Variants in DPP10 observed in about 807,000 individuals in gnomAD.
DPP10 encodes dipeptidyl peptidase like 10.
DPP10 carries 33 observed loss-of-function variants against 120.9 expected under a neutral mutation model. The observed-to-expected ratio is 0.27, with a 90% confidence interval of 0.21 to 0.37. DPP10 has a LOEUF of 0.37. Ranked by LOEUF, DPP10 falls within the 10% of genes least tolerant of loss-of-function variation. The pLI, the probability that DPP10 is intolerant of heterozygous loss-of-function variation, is 1.00. For missense variants in DPP10, 816 were observed against 942.8 expected (o/e 0.87, Z 1.76); for synonymous variants, 337 against 326.1 (o/e 1.03, Z -0.36).
intron 1 of DPP10, among the ~76,000 whole-genome samples, chr2:114,745,707 G>C (rs1450892611): frequency 1.3e-5 from 2 of 152,166 alleles, no homozygotes; most frequent in African/African-American, 2.4e-5. Context: ...ACAAAGACAA[G>C]TGTCTACAGA....
chr2:115,330,380 A>T (rs1423268116), intron 2 of DPP10, among the ~76,000 whole-genome samples: 1 of 151,098 alleles, frequency 6.6e-6, no homozygotes, highest in East Asian at 1.9e-4. Context: ...CCCATTCTGT[A>T]GGTTGCCTGT....
chr2:115,150,967 CT>C (rs934937924), intron 1 of DPP10, among the ~76,000 whole-genome samples: 2 of 151,946 alleles, frequency 1.3e-5, no homozygotes, highest in Non-Finnish European at 2.9e-5. Context: ...AAATTACACA[CT>C]TTTTTTTATT....
chr2:115,719,860 AAC>A (rs913478912), intron 7 of DPP10, among the ~76,000 whole-genome samples: 1 of 152,194 alleles, frequency 6.6e-6, no homozygotes, highest in African/African-American at 2.4e-5. Context: ...GCAGAAACAA[AAC>A]ATCGTTCACA....
intron 17 of DPP10, among the ~76,000 whole-genome samples, chr2:115,783,924 T>C (rs1355733256): frequency 6.6e-6 from 1 of 152,144 alleles, no homozygotes; most frequent in Non-Finnish European, 1.5e-5. Flanking sequence ...TCATGACATA[T>C]AGGACACACT....
At chr2:114,450,250 T>C (rs1268063000) in intron 1 of DPP10, among the ~76,000 whole-genome samples, 3 of 152,158 alleles carry the variant, frequency 2.0e-5, no homozygotes, top group Admixed American at 2.0e-4. Context: ...TTAAATCTTA[T>C]GCAGAATTTT....
chr2:115,722,742 C>T (rs1466572665), intron 7 of DPP10, among the ~76,000 whole-genome samples: 3 of 152,120 alleles, frequency 2.0e-5, no homozygotes, highest in African/African-American at 7.2e-5. Flanking sequence ...CATTGTAATG[C>T]AGTGCATGGC....
At chr2:115,733,007 A>C (rs888750500) in intron 8 of DPP10, among the ~76,000 whole-genome samples, 2 of 152,180 alleles carry the variant, frequency 1.3e-5, no homozygotes, top group East Asian at 1.9e-4. Flanking sequence ...TTTATTTCAC[A>C]TACTAAATAG....
At chr2:115,142,249 A>G (rs2050968107) in intron 1 of DPP10, among the ~76,000 whole-genome samples, 1 of 152,196 alleles carries the variant, frequency 6.6e-6, no homozygotes, top group Non-Finnish European at 1.5e-5. Flanking sequence ...GCAAAAAATC[A>G]TTCACTGCTT....
chr2:115,184,638 G>T lies in DPP10; in HGVS notation c.61-124601G>T, dbSNP rs547534905. ...ACCCAGGCTAATATTGGTCTTTGAC[G>T]TTCTTGGATATTAATAAATGTTAGA... On this transcript the variant is annotated intron_variant, in intron 1 of 25. Coordinates refer to ENST00000410059, the MANE Select transcript of DPP10 (RefSeq NM_020868.6). 3.9e-5 allele frequency among the ~76,000 whole-genome samples: 6 copies of T among 152,304 alleles called. No homozygotes were observed. The South Asian group carries it at 1.2e-3, about 32-fold the overall frequency.
chr2:115,370,070 C>G (rs1018184985), intron 3 of DPP10, among the ~76,000 whole-genome samples: 8 of 152,208 alleles, frequency 5.3e-5, no homozygotes, highest in Non-Finnish European at 8.8e-5. Flanking sequence ...CCAGAACAGT[C>G]TCACTTTAAA....
chr2:115,397,475 AG>A (rs1297348682), intron 3 of DPP10, among the ~76,000 whole-genome samples: 1 of 152,236 alleles, frequency 6.6e-6, no homozygotes, highest in Non-Finnish European at 1.5e-5. Flanking sequence ...ATAAGGGACT[AG>A]AGTTATATTC....
intron 1 of DPP10, among the ~76,000 whole-genome samples, chr2:114,467,388 C>A (rs1679493519): frequency 6.6e-6 from 1 of 152,136 alleles, no homozygotes; most frequent in Non-Finnish European, 1.5e-5. Context: ...AACATGCGTG[C>A]ACATTTTTTA....
chr2:115,433,024 C>A (rs1245997500), intron 3 of DPP10, among the ~76,000 whole-genome samples: 1 of 151,938 alleles, frequency 6.6e-6, no homozygotes, highest in Non-Finnish European at 1.5e-5. Context: ...TCTCCCTGCC[C>A]TGAGAAAAGG....
intron 5 of DPP10, among the ~76,000 whole-genome samples, chr2:115,554,278 C>G (rs965720558): frequency 4.6e-5 from 7 of 151,508 alleles, no homozygotes; most frequent in Non-Finnish European, 8.8e-5. Context: ...ACTGTAAGGA[C>G]AGCAAGCAGA....
intron 21 of DPP10, among the ~76,000 whole-genome samples, chr2:115,834,515 T>TTC (rs397729493): frequency 6.6e-6 from 1 of 151,984 alleles, no homozygotes; most frequent in African/African-American, 2.4e-5. Context: ...TTTTTTTTTT[T>TTC]CAGCATTACT....
At chr2:115,720,817 A>C (rs916593941) in intron 7 of DPP10, among the ~76,000 whole-genome samples, 2 of 152,186 alleles carry the variant, frequency 1.3e-5, no homozygotes, top group Non-Finnish European at 2.9e-5. Flanking sequence ...AAAAAATTAA[A>C]TGAAATCAAA....
At chr2:115,645,068 T>C (rs1230683086) in intron 5 of DPP10, among the ~76,000 whole-genome samples, 1 of 152,174 alleles carries the variant, frequency 6.6e-6, no homozygotes, top group East Asian at 1.9e-4. Context: ...TGTCTCCTAT[T>C]ATTTTAAGCA....
intron 1 of DPP10, among the ~76,000 whole-genome samples, chr2:115,288,771 C>G (rs890647982): frequency 2.6e-5 from 4 of 151,964 alleles, no homozygotes; most frequent in South Asian, 2.1e-4. Context: ...CGTCAACCAA[C>G]TAGGTATAGA....
chr2:114,445,691 G>T (rs192998609), intron 1 of DPP10, among the ~76,000 whole-genome samples: 2 of 152,098 alleles, frequency 1.3e-5, no homozygotes, highest in African/African-American at 4.8e-5. Context: ...TTGGAAAAGA[G>T]GAAATTGGGA....
Sources: allele counts gnomAD v4.1 joint callset (sites outside exome capture counted in the v4.1 genomes callset), GRCh38; gene constraint gnomAD v4.1.1; transcripts MANE v1.5; gene names NCBI Gene and HGNC (gene_info 2026-07-23, HGNC 2026-07-21).